The following PDE4B variants were observed in gnomAD, a reference collection of about 807,000 sequenced individuals.
PDE4B encodes the protein phosphodiesterase 4B.
In PDE4B, 20 loss-of-function variants were observed where a neutral mutation model predicts 82.2. That is an observed-to-expected ratio of 0.24 (90% CI 0.17 to 0.35). The LOEUF is 0.35. PDE4B is among the 10% of genes least tolerant of loss of function. PDE4B has a pLI of 1.00. For missense variants in PDE4B, 655 were observed against 907.2 expected (o/e 0.72, Z 3.57); for synonymous variants, 320 against 318.9 (o/e 1.00, Z -0.04).
intron 3 of PDE4B, among the ~76,000 whole-genome samples, chr1:66,002,573 A>G (rs1651924801): frequency 6.6e-6 from 1 of 151,806 alleles, no homozygotes; most frequent in African/African-American, 2.4e-5. Context: ...ATAAATCTAT[A>G]ATAATTTTAT....
chr1:65,904,781 G>A (rs1306992732), intron 1 of PDE4B, among the ~76,000 whole-genome samples: 1 of 152,126 alleles, frequency 6.6e-6, no homozygotes, highest in African/African-American at 2.4e-5. Context: ...GCTTAGATGA[G>A]TCATTCACCC....
chr1:66,263,718 T>C (rs1342846530), intron 6 of PDE4B, among the ~76,000 whole-genome samples: 1 of 152,164 alleles, frequency 6.6e-6, no homozygotes, highest in East Asian at 1.9e-4. Context: ...AAAGAGACCA[T>C]TCTTGGCTAA....
intron 7 of PDE4B, among the ~76,000 whole-genome samples, chr1:66,272,560 G>A (rs1254512686): frequency 6.6e-6 from 1 of 152,030 alleles, no homozygotes; most frequent in Non-Finnish European, 1.5e-5. Context: ...ACTTTGAGTA[G>A]CATCTTCATC....
chr1:65,829,972 G>A (rs530171829), intron 1 of PDE4B, among the ~76,000 whole-genome samples: 42 of 152,254 alleles, frequency 2.8e-4, no homozygotes, highest in Non-Finnish European at 4.9e-4. Context: ...CATACAGAGA[G>A]GTTTCTAAAC....
At chr1:65,951,467 A>G (rs1648993697) in intron 3 of PDE4B, among the ~76,000 whole-genome samples, 1 of 152,086 alleles carries the variant, frequency 6.6e-6, no homozygotes, top group Non-Finnish European at 1.5e-5. Context: ...TTTTTGATCC[A>G]GTAAAAAAAG....
intron 3 of PDE4B, among the ~76,000 whole-genome samples, chr1:65,945,731 A>T (rs1022152759): frequency 6.6e-6 from 1 of 151,984 alleles, no homozygotes; most frequent in African/African-American, 2.4e-5. Context: ...GTGGTCAAGT[A>T]TAGAGATTTG....
intron 3 of PDE4B, among the ~76,000 whole-genome samples, chr1:66,064,166 T>C (rs1655724573): frequency 6.6e-6 from 1 of 152,000 alleles, no homozygotes; most frequent in Non-Finnish European, 1.5e-5. Flanking sequence ...TTAGCCTTTA[T>C]CAGCAAAAAT....
intron 7 of PDE4B, among the ~76,000 whole-genome samples, chr1:66,279,981 A>G (rs1222467496): frequency 2.0e-5 from 3 of 152,192 alleles, no homozygotes. Flanking sequence ...ACAGGGCACT[A>G]TAGACTAGCC....
intron 3 of PDE4B, among the ~76,000 whole-genome samples, chr1:66,229,768 G>C (rs1002697763): frequency 2.0e-5 from 3 of 151,968 alleles, no homozygotes; most frequent in African/African-American, 7.3e-5. Context: ...ACCCTGCAGA[G>C]CTGAACTTCT....
chr1:65,848,895 G>T lies in PDE4B; in HGVS notation c.-71+55647G>T, dbSNP rs147228613. Among the ~76,000 whole-genome samples, 1,275 of 151,880 alleles carry T rather than the reference G, an allele frequency of 8.4e-3. 16 individuals carry two copies. The highest frequency in any genetic ancestry group is 0.026 in the African/African-American group (1,091 of 41,412). On this transcript the variant is annotated intron_variant, in intron 1 of 16. Coordinates refer to ENST00000341517, the MANE Select transcript of PDE4B (RefSeq NM_002600.4). Reference sequence around the variant, plus strand: ...ATGGAAGGAAGTTTCTATTTCTCTTGGTATATCAGTCAGGGTCCAATCAAG... The same window carrying T: ...ATGGAAGGAAGTTTCTATTTCTCTTTGTATATCAGTCAGGGTCCAATCAAG...
chr1:66,115,260 A>G (rs650440), intron 3 of PDE4B, among the ~76,000 whole-genome samples: 75,065 of 152,046 alleles, frequency 0.49, 19,052 homozygotes, highest in East Asian at 0.67. Flanking sequence ...TTTCGGGTCA[A>G]CTTCAAACAC....
At chr1:66,079,518 A>G (rs1656616063) in intron 3 of PDE4B, among the ~76,000 whole-genome samples, 1 of 152,156 alleles carries the variant, frequency 6.6e-6, no homozygotes, top group Non-Finnish European at 1.5e-5. Flanking sequence ...TACATCTGTA[A>G]TGCCATGTAA....
intron 16 of PDE4B, among the ~76,000 whole-genome samples, chr1:66,371,537 A>C (rs2050781293): frequency 6.6e-6 from 1 of 152,192 alleles, no homozygotes; most frequent in African/African-American, 2.4e-5. Context: ...CAGGAACATC[A>C]GCAAAAGGAA....
intron 3 of PDE4B, among the ~76,000 whole-genome samples, chr1:66,004,696 T>C (rs7534143): frequency 6.6e-6 from 1 of 151,776 alleles, no homozygotes; most frequent in Admixed American, 6.6e-5. Flanking sequence ...TTGTTTTCCT[T>C]AGTGGGATCT....
chr1:65,956,708 T>C (rs1293610426), intron 3 of PDE4B, among the ~76,000 whole-genome samples: 1 of 152,168 alleles, frequency 6.6e-6, no homozygotes, highest in Non-Finnish European at 1.5e-5. Flanking sequence ...CCTATCACTG[T>C]AAATGTTATG....
intron 7 of PDE4B, among the ~76,000 whole-genome samples, chr1:66,302,916 C>T (rs904507271): frequency 6.6e-6 from 1 of 152,164 alleles, no homozygotes; most frequent in Non-Finnish European, 1.5e-5. Flanking sequence ...GTGTGTAACT[C>T]CTTCAGTTTA....
chr1:66,073,355 A>G (rs1656259238), intron 3 of PDE4B, among the ~76,000 whole-genome samples: 1 of 152,148 alleles, frequency 6.6e-6, no homozygotes, highest in Non-Finnish European at 1.5e-5. Context: ...ATTTCATGTT[A>G]TTATGGTAAG....
At chr1:66,017,114 G>A (rs1652822355) in intron 3 of PDE4B, among the ~76,000 whole-genome samples, 1 of 152,104 alleles carries the variant, frequency 6.6e-6, no homozygotes, top group South Asian at 2.1e-4. Context: ...GCAATTCTTT[G>A]CCTTTTTTTG....
At chr1:65,926,875 A>T (rs1402178041) in intron 3 of PDE4B, among the ~76,000 whole-genome samples, 2 of 152,176 alleles carry the variant, frequency 1.3e-5, no homozygotes, top group Admixed American at 1.3e-4. Flanking sequence ...TCAAATAATA[A>T]AAACAGACAT....
Sources: allele counts gnomAD v4.1 joint callset (sites outside exome capture counted in the v4.1 genomes callset), GRCh38; gene constraint gnomAD v4.1.1; transcripts MANE v1.5; gene names NCBI Gene and HGNC (gene_info 2026-07-23, HGNC 2026-07-21).